GSK3B: variants seen among roughly 807,000 people sequenced by gnomAD.
GSK3B encodes the protein glycogen synthase kinase 3 beta, also known as glycogen synthase kinase-3 beta.
A neutral mutation model predicts 56.4 loss-of-function variants in GSK3B; 15 were observed. The observed-to-expected ratio is 0.27, with a 90% CI of 0.18 to 0.41. The LOEUF (loss-of-function observed/expected upper bound fraction) is 0.41, where lower values mean the gene tolerates loss of function less well. GSK3B is among the 10% of genes least tolerant of loss of function. The pLI, the probability that GSK3B is intolerant of heterozygous loss-of-function variation, is 1.00. For synonymous variants in GSK3B, 181 were observed against 188.9 expected, an observed-to-expected ratio of 0.96 and a Z score of 0.34; for missense variants, 300 against 513.4, an observed-to-expected ratio of 0.58 and a Z score of 4.02.
At chr3:119,841,596 T>C (rs1476609302) in intron 10 of GSK3B, among the ~76,000 whole-genome samples, 2 of 152,206 alleles carry the variant, frequency 1.3e-5, no homozygotes, top group African/African-American at 4.8e-5. Flanking sequence ...TTAAAGCAGA[T>C]TTCAGCACAC....
chr3:120,091,684 T>C (rs781230330), intron 1 of GSK3B, among the ~76,000 whole-genome samples: 4 of 152,158 alleles, frequency 2.6e-5, no homozygotes, highest in Non-Finnish European at 5.9e-5. Flanking sequence ...TGTATCATCA[T>C]AGCTGAAAAT....
intron 7 of GSK3B, among the ~76,000 whole-genome samples, chr3:119,892,396 C>T (rs1241648519): frequency 6.6e-6 from 1 of 152,180 alleles, no homozygotes; most frequent in African/African-American, 2.4e-5. Context: ...CCACTCCCTT[C>T]CGCTCCCTAT....
chr3:120,056,045 G>C (rs1266866965), intron 1 of GSK3B, among the ~76,000 whole-genome samples: 1 of 152,078 alleles, frequency 6.6e-6, no homozygotes, highest in Non-Finnish European at 1.5e-5. Context: ...CTTTTCCAGA[G>C]GGTACACATC....
intron 9 of GSK3B, among the ~76,000 whole-genome samples, chr3:119,854,201 G>A (rs1032105190): frequency 6.6e-6 from 1 of 152,122 alleles, no homozygotes; most frequent in Admixed American, 6.6e-5. Context: ...CTTTGGTTTT[G>A]TTTATATGAT....
At position 119,885,899 on chromosome 3, in the gene GSK3B, C is replaced by G. The variant is rs139273824; in HGVS notation, c.814-9391G>C. Among the ~76,000 whole-genome samples, 120 of 152,166 alleles carry G rather than the reference C, an allele frequency of 7.9e-4. 2 individuals carry two copies. The highest frequency in any genetic ancestry group is 2.5e-3 in the African/African-American group (103 of 41,524). ...CTTTCACCATATACAAAAAGTGACT[C>G]AAGATGGACTAAAGATTTAAATATA... On this transcript the variant is annotated intron_variant, in intron 7 of 10. Coordinates refer to ENST00000264235, the MANE Select transcript of GSK3B (RefSeq NM_001146156.2).
Position 120,093,517 on chromosome 3 carries a change from T to C in GSK3B, c.-83A>G, listed in dbSNP as rs72546689. 3 of 867,186 alleles carry C rather than the reference T, an allele frequency of 3.5e-6. No homozygotes were observed. The highest frequency in any genetic ancestry group is 3.3e-5 in the African/African-American group (2 of 60,162). The allele number at this position is 867,186 out of a possible 1,614,324, so 53.7% of individuals were successfully genotyped here. On this transcript the variant is annotated 5_prime_UTR_variant, in exon 1 of 11. Transcript: ENST00000264235. ...TTATGTTGGGGTGTTAGGTTAACGA[T>C]AAATGCAGCATTAAGTTCTCCCACA...
At chr3:119,879,587 ATAT>A (rs2056356497) in intron 7 of GSK3B, among the ~76,000 whole-genome samples, 1 of 151,976 alleles carries the variant, frequency 6.6e-6, no homozygotes, top group Non-Finnish European at 1.5e-5. Flanking sequence ...GAAATACTAG[ATAT>A]TATTCATTCT....
chr3:120,085,658 G>A lies in GSK3B; in HGVS notation c.88+7689C>T, dbSNP rs142358797. 6.7e-3 allele frequency among the ~76,000 whole-genome samples: 1,023 copies of A among 152,170 alleles called. 8 individuals carry two copies. The highest frequency in any genetic ancestry group is 8.3e-3 in the Non-Finnish European group (563 of 68,018). ...CTACTACAAATACAAAAAAATTAGC[G>A]GGGAATGGTGGCATATGCCTGTAAT... On this transcript the variant is annotated intron_variant, in intron 1 of 10. Coordinates refer to ENST00000264235, the MANE Select transcript of GSK3B (RefSeq NM_001146156.2).
intron 2 of GSK3B, among the ~76,000 whole-genome samples, chr3:119,983,483 C>T (rs531072253): frequency 6.7e-6 from 1 of 149,596 alleles, no homozygotes; most frequent in African/African-American, 2.5e-5. Context: ...AAGACGCACA[C>T]AGACTCAAAA....
intron 9 of GSK3B, among the ~76,000 whole-genome samples, chr3:119,862,390 G>C (rs2056115973): frequency 9.6e-6 from 1 of 104,218 alleles, no homozygotes; most frequent in Non-Finnish European, 1.9e-5. Flanking sequence ...CGGGGGAGGG[G>C]GGAGGGATAG....
chr3:119,996,061 A>T (rs2057614814), intron 2 of GSK3B, among the ~76,000 whole-genome samples: 1 of 152,262 alleles, frequency 6.6e-6, no homozygotes, highest in African/African-American at 2.4e-5. Flanking sequence ...ATATCAAAAT[A>T]AAAAGTAGCA....
intron 7 of GSK3B, among the ~76,000 whole-genome samples, chr3:119,889,793 G>C (rs2056481441): frequency 6.6e-6 from 1 of 152,026 alleles, no homozygotes; most frequent in Admixed American, 6.6e-5. Context: ...CTATATGTCT[G>C]TAAGAAATGC....
intron 2 of GSK3B, among the ~76,000 whole-genome samples, chr3:119,967,455 CA>C (rs1192119905): frequency 6.6e-6 from 1 of 152,006 alleles, no homozygotes; most frequent in Non-Finnish European, 1.5e-5. Flanking sequence ...CTCAGATAGT[CA>C]AAATAATCTT....
At chr3:119,915,556 T>C (rs1481399658) in intron 5 of GSK3B, among the ~76,000 whole-genome samples, 3 of 152,094 alleles carry the variant, frequency 2.0e-5, no homozygotes, top group African/African-American at 2.4e-5. Flanking sequence ...TGTACATATA[T>C]ATATATATAG....
chr3:119,914,226 G>A (rs1241794385), intron 5 of GSK3B, among the ~76,000 whole-genome samples: 1 of 151,946 alleles, frequency 6.6e-6, no homozygotes, highest in Non-Finnish European at 1.5e-5. Flanking sequence ...TAAGAAGAAA[G>A]TAATAGTATT....
At chr3:120,048,572 G>A (rs2058122522) in intron 1 of GSK3B, among the ~76,000 whole-genome samples, 1 of 152,178 alleles carries the variant, frequency 6.6e-6, no homozygotes, top group Non-Finnish European at 1.5e-5. Context: ...TCATTGGGTT[G>A]TTATGAAGAC....
chr3:119,935,434 A>G (rs2056984469), intron 3 of GSK3B, among the ~76,000 whole-genome samples: 1 of 152,120 alleles, frequency 6.6e-6, no homozygotes, highest in African/African-American at 2.4e-5. Flanking sequence ...AACGACAACA[A>G]AATTATTTTT....
intron 7 of GSK3B, among the ~76,000 whole-genome samples, chr3:119,901,984 A>C (rs934393703): frequency 1.1e-5 from 1 of 88,312 alleles, no homozygotes; most frequent in Admixed American, 1.0e-4. Context: ...CTAGAAAGAA[A>C]ATGAAAAGAA....
chr3:119,905,911 T>C lies in GSK3B; in HGVS notation c.716-59A>G, dbSNP rs2056678044. ...CTTCATAGCTTGAGCTGAAAAGTGT[T>C]TGTATACGTTTTCTAATTTTACTTT... On this transcript the variant is annotated intron_variant, in intron 6 of 10. Transcript: ENST00000264235. 4.5e-5 allele frequency: 42 copies of C among 929,752 alleles called. 2 individuals are homozygous for C. In the South Asian group the frequency reaches 5.2e-4, roughly 12 times the overall value. The allele number at this position is 929,752 out of a possible 1,614,324, so 57.6% of individuals were successfully genotyped here. A position where few individuals can be genotyped will look rare whatever the true frequency, so the allele number is the denominator to read the frequency against.
Sources: allele counts gnomAD v4.1 joint callset (sites outside exome capture counted in the v4.1 genomes callset), GRCh38; gene constraint gnomAD v4.1.1; transcripts MANE v1.5; gene names NCBI Gene and HGNC (gene_info 2026-07-23, HGNC 2026-07-21).